PPP6R3: variants seen among roughly 807,000 people sequenced by gnomAD.
PPP6R3 encodes the protein protein phosphatase 6 regulatory subunit 3, also known as serine/threonine-protein phosphatase 6 regulatory subunit 3.
Under a neutral mutation model 110.7 loss-of-function variants are expected in PPP6R3, and 38 were observed. The observed-to-expected ratio is 0.34, with a 90% CI of 0.26 to 0.45. The LOEUF (loss-of-function observed/expected upper bound fraction) is 0.45, where lower values mean the gene tolerates loss of function less well. PPP6R3 is among the 20% of genes least tolerant of loss of function. The pLI is 1.00. For missense variants in PPP6R3, 870 were observed against 1,062.4 expected, an observed-to-expected ratio of 0.82 and a Z score of 2.52; for synonymous variants, 369 against 373.5, an observed-to-expected ratio of 0.99 and a Z score of 0.14.
intron 3 of PPP6R3, among the ~76,000 whole-genome samples, chr11:68,539,135 G>T (rs1446918689): frequency 6.6e-6 from 1 of 152,198 alleles, no homozygotes; most frequent in Non-Finnish European, 1.5e-5. Flanking sequence ...GAACTAGCAT[G>T]TGGGTGGTGC....
chr11:68,603,236 T>C (rs993298735), intron 21 of PPP6R3, 106 bp from the exon 22 acceptor site: 11 of 1,422,054 alleles, frequency 7.7e-6, no homozygotes, highest in African/African-American at 2.9e-5. Flanking sequence ...CTCTTTTTTT[T>C]CTTCAAGCAG....
chr11:68,466,006 A>G (rs1280412232), intron 1 of PPP6R3, among the ~76,000 whole-genome samples: 2 of 152,210 alleles, frequency 1.3e-5, no homozygotes, highest in East Asian at 3.8e-4. Context: ...AGCTCCCTAC[A>G]CAACAGTTAT....
intron 1 of PPP6R3, among the ~76,000 whole-genome samples, chr11:68,508,835 AGGTTGTGT>A: frequency 6.8e-6 from 1 of 147,358 alleles, no homozygotes; most frequent in South Asian, 2.1e-4. Context: ...TGACAGGGTT[AGGTTGTGT>A]GACAGGGTTA....
chr11:68,576,115 A>G (rs1426629970), intron 14 of PPP6R3, 72 bp downstream of exon 14: 31 of 1,173,552 alleles, frequency 2.6e-5, no homozygotes, highest in Middle Eastern at 2.2e-4. Context: ...AGAAAGATGT[A>G]AAAGATCTTC....
chr11:68,469,925 A>G (rs1789341601), intron 1 of PPP6R3, among the ~76,000 whole-genome samples: 1 of 152,206 alleles, frequency 6.6e-6, no homozygotes, highest in Admixed American at 6.5e-5. Flanking sequence ...GTTGCAAAGT[A>G]TAAATGTATC....
intron 3 of PPP6R3, among the ~76,000 whole-genome samples, chr11:68,538,927 C>T (rs2099290120): frequency 6.6e-6 from 1 of 152,184 alleles, no homozygotes; most frequent in Non-Finnish European, 1.5e-5. Context: ...CGAGACCAAC[C>T]TGGCCAACAT....
At chr11:68,574,367 C>G in intron 13 of PPP6R3, 143 bp downstream of exon 13, 1 of 629,266 alleles carries the variant, frequency 1.6e-6, no homozygotes, top group Non-Finnish European at 2.8e-6. Context: ...GAATGAGGTT[C>G]TTGAGAATGT....
At chr11:68,608,300 AAAAC>A (rs369205768) in intron 22 of PPP6R3, among the ~76,000 whole-genome samples, 63 of 152,368 alleles carry the variant, frequency 4.1e-4, no homozygotes, top group Non-Finnish European at 5.1e-4. Flanking sequence ...CTTAAAAGCT[AAAAC>A]AAACAAACAA....
chr11:68,558,764 A>G, intron 8 of PPP6R3, 85 bp downstream of exon 8: 4 of 1,028,220 alleles, frequency 3.9e-6, no homozygotes, highest in Middle Eastern at 4.0e-4. Flanking sequence ...ATAAGCTGTA[A>G]TAGCGTACCT....
Position 68,603,356 on chromosome 11 carries a change from G to A in PPP6R3, c.2314G>A (p.Ala772Thr), listed in dbSNP as rs1333383974. ...AVQPEAAGSV[A>T]MEASSDGEED... is the part of the protein sequence containing the mutation. ...GTTCTTTTCAGCGGCAGGCAGTGTG[G>A]CCATGGAAGCCAGCTCTGACGGAGA... is the stretch of plus-strand genomic sequence containing the variant. The change falls in exon 22 of 24, where the codon GCC (alanine) becomes ACC (threonine). Residue 772 changes from alanine to threonine, a missense_variant. Ala to Thr is a moderately conservative substitution (Grantham distance 58, BLOSUM62 0). Coordinates refer to ENST00000393800, the MANE Select transcript of PPP6R3 (RefSeq NM_001164161.2). 1 of 1,613,956 alleles carries A rather than the reference G, an allele frequency of 6.2e-7. No individual in the cohort carries two copies. The highest frequency in any genetic ancestry group is 2.2e-5 in the East Asian group (1 of 44,858).
chr11:68,508,770 TTGACAGGGTTAGGTTGTG>T (rs11270530), intron 1 of PPP6R3, among the ~76,000 whole-genome samples: 124,830 of 132,472 alleles, frequency 0.94, 59,723 homozygotes, highest in South Asian at 0.98. Flanking sequence ...GAGAAATCTT[TTGACAGGGTTAGGTTGTG>T]TGACAGGGTT....
At chr11:68,609,769 C>A in intron 22 of PPP6R3, 135 bp from the exon 23 acceptor site, 1 of 1,541,170 alleles carries the variant, frequency 6.5e-7, no homozygotes, top group Non-Finnish European at 9.0e-7. Flanking sequence ...GTGCACCCTG[C>A]GCATGCTCAG....
intron 1 of PPP6R3, among the ~76,000 whole-genome samples, chr11:68,506,939 A>C (rs1012099484): frequency 6.6e-6 from 1 of 152,158 alleles, no homozygotes. Flanking sequence ...AGTCATTTGT[A>C]CCTTTGCTGT....
At chr11:68,499,506 C>T (rs1278983555) in intron 1 of PPP6R3, among the ~76,000 whole-genome samples, 4 of 152,012 alleles carry the variant, frequency 2.6e-5, no homozygotes, top group South Asian at 4.2e-4. Flanking sequence ...TTTTTGTGAC[C>T]TAGTCTTGGA....
intron 1 of PPP6R3, among the ~76,000 whole-genome samples, chr11:68,502,398 G>A (rs1266811425): frequency 6.6e-6 from 1 of 152,116 alleles, no homozygotes; most frequent in East Asian, 1.9e-4. Context: ...GGCCACCATA[G>A]TACAGAGCAT....
At chr11:68,544,097 T>A (rs2099334621) in intron 3 of PPP6R3, among the ~76,000 whole-genome samples, 1 of 152,132 alleles carries the variant, frequency 6.6e-6, no homozygotes, top group South Asian at 2.1e-4. Flanking sequence ...GAGCACTAGT[T>A]TTGTTTTGTT....
At chr11:68,574,398 T>C (rs2099522341) in intron 13 of PPP6R3, among the ~76,000 whole-genome samples, 174 bp downstream of exon 13, 1 of 152,234 alleles carries the variant, frequency 6.6e-6, no homozygotes, top group South Asian at 2.1e-4. Flanking sequence ...TGTTGTTTTT[T>C]GGTTGTATTT....
intron 5 of PPP6R3, 110 bp from the exon 6 acceptor site, chr11:68,551,011 T>C (rs988507209): frequency 3.0e-5 from 23 of 773,834 alleles, no homozygotes; most frequent in Non-Finnish European, 2.1e-5. Context: ...CAGAGAAACC[T>C]GTAACATTCT....
chr11:68,607,783 T>C lies in PPP6R3; in HGVS notation c.2451-2121T>C, dbSNP rs574242567. ...TCAGTCTATATCTAATCTAGATTTTTTTTTTTTTAACACGAGGTCTCGCTC... is the reference window on the plus strand; with the variant it reads ...TCAGTCTATATCTAATCTAGATTTTCTTTTTTTTAACACGAGGTCTCGCTC... On this transcript the variant is annotated intron_variant, in intron 22 of 23. Coordinates refer to ENST00000393800, the MANE Select transcript of PPP6R3 (RefSeq NM_001164161.2). Among the ~76,000 whole-genome samples the C allele has an allele frequency of 1.4e-4, 22 of 152,284 alleles. No individual in the cohort carries two copies. In the South Asian group the frequency reaches 4.6e-3, roughly 32 times the overall value.
Sources: allele counts gnomAD v4.1 joint callset (sites outside exome capture counted in the v4.1 genomes callset), GRCh38; gene constraint gnomAD v4.1.1; transcripts MANE v1.5; gene names NCBI Gene and HGNC (gene_info 2026-07-23, HGNC 2026-07-21).